Variants in ATP2B4 observed in about 807,000 individuals in gnomAD.
ATP2B4 encodes plasma membrane calcium-transporting ATPase 4.
A neutral mutation model predicts 110.3 loss-of-function variants in ATP2B4; 39 were observed. The observed-to-expected ratio is 0.35, with a 90% confidence interval of 0.27 to 0.46. ATP2B4 has a LOEUF of 0.46. Among genes scored for constraint, ATP2B4 ranks in the 20% least tolerant of loss-of-function variants. The pLI is 1.00. For missense variants in ATP2B4, 1,135 were observed against 1,530.9 expected (o/e 0.74, Z 4.32); for synonymous variants, 538 against 571.7 (o/e 0.94, Z 0.84).
chr1:203,709,200 G>C, intron 10 of ATP2B4, 101 bp from the exon 11 acceptor site: 1 of 1,463,792 alleles, frequency 6.8e-7, no homozygotes, highest in Non-Finnish European at 9.4e-7. Flanking sequence ...TGAGCTCCAG[G>C]TATATAATGT....
At chr1:203,728,862 A>C (rs1258527367) in intron 20 of ATP2B4, among the ~76,000 whole-genome samples, 1 of 149,924 alleles carries the variant, frequency 6.7e-6, no homozygotes, top group Non-Finnish European at 1.5e-5. Flanking sequence ...TGTCTCACAA[A>C]AAAAAAAAGA....
intron 7 of ATP2B4, among the ~76,000 whole-genome samples, chr1:203,703,008 C>T (rs1665737671): frequency 6.6e-6 from 1 of 152,006 alleles, no homozygotes; most frequent in Non-Finnish European, 1.5e-5. Context: ...CCAGCTTCTT[C>T]CCTCTTCCCC....
At chr1:203,739,492 G>T (rs775520226) in intron 20 of ATP2B4, 54 bp from the exon 21 acceptor site, 4 of 1,543,784 alleles carry the variant, frequency 2.6e-6, no homozygotes, top group South Asian at 1.2e-5. Context: ...TTGTTCTGCC[G>T]GCCAATTCTC....
rs186557037 is a variant in ATP2B4, at chr1:203,665,005, G to T, written c.-464-17737G>T. Among the ~76,000 whole-genome samples, 26 of 152,186 alleles carry T rather than the reference G, an allele frequency of 1.7e-4. No individual in the cohort carries two copies. In the East Asian group the frequency reaches 5.0e-3, roughly 29 times the overall value. ...TGCCACCGCGCCTGGCTAATTTTTT[G>T]TGTTTTTAGTAGAGATGGACTTTCA... On this transcript the variant is annotated intron_variant, in intron 1 of 20. Transcript: ENST00000357681.
chr1:203,677,754 G>A (rs1313154726), intron 1 of ATP2B4, among the ~76,000 whole-genome samples: 1 of 152,150 alleles, frequency 6.6e-6, no homozygotes, highest in Non-Finnish European at 1.5e-5. Context: ...ATGAGCCACC[G>A]CACCCGGCCC....
At chr1:203,632,451 C>T (rs368144565) in intron 1 of ATP2B4, among the ~76,000 whole-genome samples, 1 of 151,564 alleles carries the variant, frequency 6.6e-6, no homozygotes, top group African/African-American at 2.4e-5. Flanking sequence ...TCACGCCATT[C>T]TCCTGCCTTA....
chr1:203,682,960 C>T lies in ATP2B4; in HGVS notation c.-246C>T. The T allele has an allele frequency of 2.3e-6, 1 of 433,390 alleles. No homozygotes were observed. Among genetic ancestry groups the T allele is most frequent in the Non-Finnish European group, 4.2e-6 (1 of 239,386 alleles). The allele number at this position is 433,390 out of a possible 1,614,324, so 26.8% of individuals were successfully genotyped here. The stretch of plus-strand genomic sequence containing the variant: ...ACCAATCATCGTGACACGGAGTCCA[C>T]CTTCCACTCAGTTCCCCCATCCTCT... On this transcript the variant is annotated 5_prime_UTR_variant, in exon 2 of 21. Coordinates refer to ENST00000357681, the MANE Select transcript of ATP2B4 (RefSeq NM_001684.5).
In ATP2B4 at chr1:203,730,681, T is replaced by C. The variant is rs545560927; in HGVS notation, c.3309+3110T>C. Among the ~76,000 whole-genome samples, 8 of 152,318 alleles carry C rather than the reference T, an allele frequency of 5.3e-5. No individual in the cohort carries two copies. The South Asian group carries it at 1.5e-3, about 28-fold the overall frequency. ...TTGCCCTCCACTACCAATTTCTATT[T>C]CCTTGACTATGCCCCTCTCTACAAG... On this transcript the variant is annotated intron_variant, in intron 20 of 20. Coordinates refer to ENST00000357681, the MANE Select transcript of ATP2B4 (RefSeq NM_001684.5).
At chr1:203,643,919 G>A (rs954415262) in intron 1 of ATP2B4, among the ~76,000 whole-genome samples, 1 of 152,190 alleles carries the variant, frequency 6.6e-6, no homozygotes, top group Non-Finnish European at 1.5e-5. Flanking sequence ...TCGGTGTTTA[G>A]CACAGTCTTT....
rs940811832 is a variant in ATP2B4, at chr1:203,670,265, A to G, written c.-464-12477A>G. On this transcript the variant is annotated intron_variant, in intron 1 of 20. Coordinates refer to ENST00000357681, the MANE Select transcript of ATP2B4 (RefSeq NM_001684.5). ...ACGATCTCAGCTCACTGCAACCTCC[A>G]TCTTCCCGGTTCAAGTGATTCTCCT... Among the ~76,000 whole-genome samples the G allele has an allele frequency of 3.6e-4, 54 of 151,620 alleles. 1 individual carries two copies. Among genetic ancestry groups the G allele is most frequent in the African/African-American group, 1.2e-3 (51 of 41,162 alleles).
chr1:203,651,163 A>C (rs1663981344), intron 1 of ATP2B4, among the ~76,000 whole-genome samples: 1 of 152,156 alleles, frequency 6.6e-6, no homozygotes, highest in Non-Finnish European at 1.5e-5. Flanking sequence ...AGATAGTTCC[A>C]TGGCTGTCTT....
intron 2 of ATP2B4, among the ~76,000 whole-genome samples, chr1:203,692,154 G>A (rs937898619): frequency 6.6e-6 from 1 of 151,674 alleles, no homozygotes; most frequent in African/African-American, 2.4e-5. Flanking sequence ...TGCTGGGATT[G>A]CAGGCGTGAG....
chr1:203,720,613 C>G lies in ATP2B4; in HGVS notation c.2471C>G (p.Thr824Ser). Reference sequence around the variant, plus strand: ...ATCATCCTAACAGATGACAACTTCACCAGCATTGTGAAGGCAGTGATGTGG... The same window carrying G: ...ATCATCCTAACAGATGACAACTTCAGCAGCATTGTGAAGGCAGTGATGTGG... Reference protein sequence around the residue: ...SDIILTDDNFTSIVKAVMWGR... With the variant: ...SDIILTDDNFSSIVKAVMWGR... The change falls in exon 16 of 21, where the codon ACC (threonine) becomes AGC (serine). Residue 824 changes from threonine to serine, a missense_variant. Physicochemically the swap from Thr to Ser is moderately conservative, Grantham distance 58. Transcript: ENST00000357681. The G allele has an allele frequency of 6.2e-7, 1 of 1,613,994 alleles. No homozygotes were observed. The highest frequency in any genetic ancestry group is 2.2e-5 in the East Asian group (1 of 44,882).
intron 5 of ATP2B4, among the ~76,000 whole-genome samples, 189 bp from the exon 6 acceptor site, chr1:203,700,609 C>T (rs1428291224): frequency 6.6e-6 from 1 of 152,196 alleles, no homozygotes; most frequent in Non-Finnish European, 1.5e-5. Flanking sequence ...GACACATTTT[C>T]CTCCTTACTC....
At position 203,743,746 on chromosome 1, in the gene ATP2B4, TAAAC is replaced by T. The variant is rs904941561; in HGVS notation, c.*3900_*3903del. On this transcript the variant is annotated 3_prime_UTR_variant, in exon 21 of 21. Coordinates refer to ENST00000357681, the MANE Select transcript of ATP2B4 (RefSeq NM_001684.5). ...ATTGACTATTGTGGTCTGCATGACA[TAAAC>T]AAACAAATGGTGATATCAAAGCAAC... is the stretch of plus-strand genomic sequence containing the variant. 3 of 152,530 alleles carry T rather than the reference TAAAC, an allele frequency of 2.0e-5. No homozygotes were observed. The highest frequency in any genetic ancestry group is 7.2e-5 in the African/African-American group (3 of 41,436). The allele number at this position is 152,530 out of a possible 1,614,324, so 9.4% of individuals were successfully genotyped here.
chr1:203,646,770 T>C (rs1370901393), intron 1 of ATP2B4, among the ~76,000 whole-genome samples: 1 of 151,694 alleles, frequency 6.6e-6, no homozygotes, highest in Admixed American at 6.6e-5. Flanking sequence ...TCAAAAAAAA[T>C]AAATAAAAAT....
intron 20 of ATP2B4, among the ~76,000 whole-genome samples, chr1:203,736,512 A>G (rs1310564225): frequency 6.6e-6 from 1 of 151,568 alleles, no homozygotes; most frequent in Non-Finnish European, 1.5e-5. Flanking sequence ...GAGAAAATGG[A>G]GTCTTCACCT....
intron 8 of ATP2B4, among the ~76,000 whole-genome samples, chr1:203,706,144 C>T (rs1315087290): frequency 4.6e-5 from 7 of 152,192 alleles, no homozygotes; most frequent in Non-Finnish European, 1.0e-4. Context: ...ACCCCTAAGC[C>T]AGTCGGTTTT....
chr1:203,669,236 C>T (rs1444558662), intron 1 of ATP2B4, among the ~76,000 whole-genome samples: 1 of 152,172 alleles, frequency 6.6e-6, no homozygotes. Context: ...GCTCATTCCC[C>T]TTCTATCTGC....
Sources: allele counts gnomAD v4.1 joint callset (sites outside exome capture counted in the v4.1 genomes callset), GRCh38; gene constraint gnomAD v4.1.1; transcripts MANE v1.5; gene names NCBI Gene and HGNC (gene_info 2026-07-23, HGNC 2026-07-21).